CLDN16: variants seen among roughly 807,000 people sequenced by gnomAD.
The protein encoded by CLDN16 is claudin 16, also known as claudin-16.
In CLDN16, 13 loss-of-function variants were observed where a neutral mutation model predicts 24.6. The observed-to-expected ratio is 0.53, with a 90% CI of 0.34 to 0.84. The LOEUF is 0.84. CLDN16 is among the 40% of genes least tolerant of loss of function. The pLI, the probability that CLDN16 is intolerant of heterozygous loss-of-function variation, is 0.01. For synonymous variants in CLDN16, 116 were observed against 106.7 expected, an observed-to-expected ratio of 1.09 and a Z score of -0.54; for missense variants, 298 against 292.7, an observed-to-expected ratio of 1.02 and a Z score of -0.13.
chr3:190,376,366 T>C (rs979793022), intron 3 of CLDN16, among the ~76,000 whole-genome samples: 9 of 151,848 alleles, frequency 5.9e-5, no homozygotes, highest in Non-Finnish European at 1.0e-4. Flanking sequence ...TGTTGATGAT[T>C]ACTGAAGAAG....
chr3:190,324,667 C>T (rs977012800), intron 1 of CLDN16, among the ~76,000 whole-genome samples: 15 of 152,064 alleles, frequency 9.9e-5, no homozygotes, highest in African/African-American at 3.6e-4. Flanking sequence ...TATTTCAGGT[C>T]TGTGCGAGGC....
At chr3:190,409,298 G>T (rs1028880585) in intron 4 of CLDN16, among the ~76,000 whole-genome samples, 4 of 151,964 alleles carry the variant, frequency 2.6e-5, no homozygotes, top group African/African-American at 9.7e-5. Context: ...ATGCACACAT[G>T]TATATGTATG....
chr3:190,334,938 G>A (rs1027714578), intron 1 of CLDN16, among the ~76,000 whole-genome samples: 5 of 152,020 alleles, frequency 3.3e-5, no homozygotes, highest in African/African-American at 7.3e-5. Flanking sequence ...TTGTACTCCA[G>A]AGCTCGTTGT....
chr3:190,324,791 T>G (rs1257429471), intron 1 of CLDN16, among the ~76,000 whole-genome samples: 1 of 152,228 alleles, frequency 6.6e-6, no homozygotes, highest in Non-Finnish European at 1.5e-5. Flanking sequence ...TTTCTGCTCC[T>G]AGCTTAAGTG....
At chr3:190,352,654 T>C (rs930495891) in intron 1 of CLDN16, among the ~76,000 whole-genome samples, 2 of 152,060 alleles carry the variant, frequency 1.3e-5, no homozygotes, top group African/African-American at 4.8e-5. Context: ...TTTCTTTTTC[T>C]CCGTGTCTCA....
intron 1 of CLDN16, among the ~76,000 whole-genome samples, chr3:190,352,602 C>T (rs114198714): frequency 2.6e-5 from 4 of 152,060 alleles, no homozygotes; most frequent in Admixed American, 1.3e-4. Flanking sequence ...GCTATGGTTG[C>T]GAAAAGTCGC....
At chr3:190,377,014 T>C (rs1215402147) in intron 3 of CLDN16, among the ~76,000 whole-genome samples, 3 of 151,824 alleles carry the variant, frequency 2.0e-5, no homozygotes, top group Admixed American at 1.3e-4. Context: ...GCTAGTTAAG[T>C]GCTGAAGGAG....
At chr3:190,374,280 TGTG>T (rs1173482948) in intron 2 of CLDN16, among the ~76,000 whole-genome samples, 6 of 97,550 alleles carry the variant, frequency 6.2e-5, no homozygotes, top group African/African-American at 2.7e-4. Context: ...TGTGTGTGTG[TGTG>T]TGTGTGTGTG....
At chr3:190,371,478 A>G (rs184520047) in intron 2 of CLDN16, among the ~76,000 whole-genome samples, 4 of 152,094 alleles carry the variant, frequency 2.6e-5, no homozygotes, top group Admixed American at 1.3e-4. Context: ...AAGGAACTTA[A>G]TAAGTCATAG....
chr3:190,383,537 CT>C (rs1478590026), upstream of CLDN16, among the ~76,000 whole-genome samples: 1 of 152,114 alleles, frequency 6.6e-6, no homozygotes, highest in Non-Finnish European at 1.5e-5. Flanking sequence ...ACTCATATCA[CT>C]GGAAGGAAGC....
At chr3:190,402,054 A>T (rs1718975907) in intron 1 of CLDN16, among the ~76,000 whole-genome samples, 1 of 152,162 alleles carries the variant, frequency 6.6e-6, no homozygotes, top group Non-Finnish European at 1.5e-5. Flanking sequence ...ACAGATATTT[A>T]AATATATTTA....
At chr3:190,352,933 G>C (rs1276118471) in intron 1 of CLDN16, among the ~76,000 whole-genome samples, 1 of 151,966 alleles carries the variant, frequency 6.6e-6, no homozygotes, top group African/African-American at 2.4e-5. Flanking sequence ...TTCAGAAATA[G>C]GTGTCAAACA....
intron 3 of CLDN16, among the ~76,000 whole-genome samples, chr3:190,406,300 G>A (rs1179091179): frequency 6.6e-6 from 1 of 152,096 alleles, no homozygotes; most frequent in African/African-American, 2.4e-5. Flanking sequence ...CTTCCCTTCT[G>A]TAAGTCATTT....
the CLDN16 span, chr3:190,313,084 A>C: frequency 1.9e-6 from 3 of 1,609,112 alleles, no homozygotes; most frequent in Non-Finnish European, 2.6e-6. Context: ...TGGACCAACA[A>C]GAGAAAAATG....
At chr3:190,379,601 C>T (rs893039372) in intron 3 of CLDN16, among the ~76,000 whole-genome samples, 1 of 152,092 alleles carries the variant, frequency 6.6e-6, no homozygotes, top group Non-Finnish European at 1.5e-5. Context: ...ACAACATCAT[C>T]ATGTGGTCAT....
intron 3 of CLDN16, among the ~76,000 whole-genome samples, chr3:190,405,382 G>A (rs113387587): frequency 0.013 from 1,728 of 131,956 alleles, 39 homozygotes; most frequent in African/African-American, 0.049. Flanking sequence ...CAGAGATCGC[G>A]CCACTGCACT....
chr3:190,297,129 A>G, the CLDN16 span, among the ~76,000 whole-genome samples: 1 of 151,926 alleles, frequency 6.6e-6, no homozygotes, highest in East Asian at 1.9e-4. Flanking sequence ...TTCATTGTAG[A>G]GTGAGTAGTT....
In CLDN16 at chr3:190,325,772, T is replaced by G. The variant is rs545215621; in HGVS notation, n.121+3111T>G. Among the ~76,000 whole-genome samples the G allele has an allele frequency of 3.9e-5, 6 of 152,330 alleles. No individual in the cohort carries two copies. In the South Asian group the frequency reaches 6.2e-4, roughly 16 times the overall value. On this transcript the variant is annotated intron_variant and non_coding_transcript_variant, in intron 1 of 4. Coordinates refer to the CLDN16 transcript ENST00000468220. Reference sequence around the variant, plus strand: ...TGTTAATTTTTTTGCTTAGTGTTAATATATGTTAATGTTGACTTTTCAGAG... The same window carrying G: ...TGTTAATTTTTTTGCTTAGTGTTAAGATATGTTAATGTTGACTTTTCAGAG...
At chr3:190,356,821 TC>T (rs768823658) in intron 1 of CLDN16, among the ~76,000 whole-genome samples, 3 of 151,922 alleles carry the variant, frequency 2.0e-5, no homozygotes, top group African/African-American at 4.8e-5. Context: ...ATTGCAGATA[TC>T]ATAATATTTA....
Sources: gnomAD v4.1 joint callset for allele counts (sites outside exome capture counted in the v4.1 genomes callset) on GRCh38, gnomAD v4.1.1 for gene constraint, MANE v1.5 for transcripts, NCBI Gene and HGNC (gene_info 2026-07-23, HGNC 2026-07-21) for gene names.